ARHGAP26: variants seen among roughly 807,000 people sequenced by gnomAD.
ARHGAP26 encodes the protein Rho GTPase activating protein 26.
In ARHGAP26, 38 loss-of-function variants were observed where a neutral mutation model predicts 104.8. That is an observed-to-expected ratio of 0.36 (90% CI 0.28 to 0.48). The LOEUF is 0.48. Ranked by LOEUF, ARHGAP26 falls within the 20% of genes least tolerant of loss-of-function variation. The pLI is 0.99. For missense variants in ARHGAP26, 704 were observed against 947.9 expected, an observed-to-expected ratio of 0.74 and a Z score of 3.38; for synonymous variants, 341 against 340.0, an observed-to-expected ratio of 1.00 and a Z score of -0.03.
chr5:142,998,481 T>A, intron 11 of ARHGAP26, among the ~76,000 whole-genome samples: 1 of 152,162 alleles, frequency 6.6e-6, no homozygotes, highest in East Asian at 1.9e-4. Flanking sequence ...GTCCACTTGG[T>A]TGCCTTGGCT....
Position 143,014,124 on chromosome 5 carries a change from C to T in ARHGAP26, c.1144+8C>T, listed in dbSNP as rs1339232986. 3.1e-6 allele frequency: 5 copies of T among 1,613,938 alleles called. No individual in the cohort carries two copies. Among genetic ancestry groups the T allele is most frequent in the Admixed American group, 1.7e-5 (1 of 60,006 alleles). On this transcript the variant is annotated splice_region_variant and intron_variant, in intron 12 of 22. Transcript: ENST00000645722. The stretch of plus-strand genomic sequence containing the variant: ...ACAGCCAGAGTGAAGGGAGTAAGTA[C>T]GATGCTTGGGTAACCTTCTACAGCC...
chr5:142,861,423 A>G (rs539277397), intron 1 of ARHGAP26, among the ~76,000 whole-genome samples: 16 of 144,138 alleles, frequency 1.1e-4, no homozygotes, highest in African/African-American at 4.1e-4. Flanking sequence ...TTTGTTTTTT[A>G]ACTGAATTTA....
At chr5:143,142,614 C>T (rs1377758746) in intron 19 of ARHGAP26, among the ~76,000 whole-genome samples, 1 of 152,096 alleles carries the variant, frequency 6.6e-6, no homozygotes, top group Non-Finnish European at 1.5e-5. Context: ...TGAAATGAGA[C>T]CACCTCAGAT....
intron 1 of ARHGAP26, among the ~76,000 whole-genome samples, chr5:142,853,750 G>A (rs530455083): frequency 3.9e-5 from 6 of 152,286 alleles, no homozygotes; most frequent in African/African-American, 1.4e-4. Context: ...CTCAGATGCT[G>A]TAGGTCCTTC....
intron 20 of ARHGAP26, among the ~76,000 whole-genome samples, chr5:143,189,325 C>T (rs1805572904): frequency 6.6e-6 from 1 of 152,162 alleles, no homozygotes; most frequent in Admixed American, 6.5e-5. Context: ...TGCACTTGGG[C>T]TTAAGACAGT....
At chr5:142,986,347 T>C (rs1303276932) in intron 11 of ARHGAP26, among the ~76,000 whole-genome samples, 1 of 152,230 alleles carries the variant, frequency 6.6e-6, no homozygotes, top group Non-Finnish European at 1.5e-5. Flanking sequence ...CACTTTTTGA[T>C]GGGGTTGTTT....
chr5:142,775,926 C>T (rs182771402), intron 1 of ARHGAP26, among the ~76,000 whole-genome samples: 5 of 152,130 alleles, frequency 3.3e-5, no homozygotes, highest in South Asian at 2.1e-4. Context: ...CTTTCCATTT[C>T]GTTTCCCTTC....
At position 142,885,295 on chromosome 5, in the gene ARHGAP26, C is replaced by T. The variant is rs765774564; in HGVS notation, c.385-3C>T. The T allele has an allele frequency of 4.3e-6, 7 of 1,611,532 alleles. No homozygotes were observed. The highest frequency in any genetic ancestry group is 1.7e-4 in the Middle Eastern group (1 of 6,046). On this transcript the variant is annotated splice_polypyrimidine_tract_variant and splice_region_variant and intron_variant, in intron 4 of 22. Coordinates refer to ENST00000645722, the MANE Select transcript of ARHGAP26 (RefSeq NM_001135608.3). ...TTCTTTTTCTCTTCTCTTTTTTTGC[C>T]AGGAAGCCAAAAAGAAGTATGACAA...
chr5:142,913,249 C>G lies in ARHGAP26; in HGVS notation c.984C>G (p.Asp328Glu). The change falls in exon 10 of 23, where the codon GAC becomes GAG. Residue 328 changes from aspartate (D) to glutamate (E), a missense_variant. This residue lies in a region of ARHGAP26 where 287 missense variants were observed against 438.8 expected (regional missense o/e 0.65). Transcript: ENST00000645722. ...ILKSCTRRKT[D>E]SIEKRFCFDV... is the part of the protein sequence containing the mutation. ...AATCCTGCACACGGCGGAAAACAGA[C>G]TCCATTGAGAAGAGGTTTTGCTTTG... 1 of 1,614,196 alleles carries G rather than the reference C, an allele frequency of 6.2e-7. No individual in the cohort carries two copies. Among genetic ancestry groups the G allele is most frequent in the Non-Finnish European group, 8.5e-7 (1 of 1,180,012 alleles).
At chr5:142,886,113 A>T (rs1239647370) in intron 5 of ARHGAP26, among the ~76,000 whole-genome samples, 1 of 152,192 alleles carries the variant, frequency 6.6e-6, no homozygotes, top group African/African-American at 2.4e-5. Context: ...GGAGATAGGG[A>T]GTTTCCTAGT....
chr5:143,053,631 G>A (rs1785348097), intron 14 of ARHGAP26, among the ~76,000 whole-genome samples: 1 of 152,150 alleles, frequency 6.6e-6, no homozygotes, highest in African/African-American at 2.4e-5. Flanking sequence ...AAAATATACT[G>A]ATTTGTTTAA....
chr5:142,831,226 G>A (rs1214289963), intron 1 of ARHGAP26, among the ~76,000 whole-genome samples: 5 of 152,168 alleles, frequency 3.3e-5, no homozygotes, highest in Non-Finnish European at 7.3e-5. Context: ...AATACTCTGT[G>A]CTCAGTCATT....
chr5:143,140,091 T>A (rs1468060357), intron 19 of ARHGAP26, among the ~76,000 whole-genome samples: 2 of 152,214 alleles, frequency 1.3e-5, no homozygotes, highest in East Asian at 3.8e-4. Context: ...AAAATACAGA[T>A]GCTTGGTCTC....
chr5:143,217,844 G>A (rs13164564), intron 22 of ARHGAP26, among the ~76,000 whole-genome samples: 4,056 of 152,302 alleles, frequency 0.027, 165 homozygotes, highest in African/African-American at 0.09. Flanking sequence ...TCACATAGCA[G>A]CAAGAGTCAT....
chr5:143,058,170 T>A (rs1364323735), intron 17 of ARHGAP26: 2 of 428,932 alleles, frequency 4.7e-6, no homozygotes, highest in Admixed American at 7.6e-5. Context: ...GAGCTGACTC[T>A]GTTATTAACC....
chr5:143,012,802 C>T (rs1376094327), intron 11 of ARHGAP26, among the ~76,000 whole-genome samples: 6 of 150,604 alleles, frequency 4.0e-5, no homozygotes, highest in East Asian at 2.0e-4. Context: ...TACAGGCGCC[C>T]GCCACCATGC....
chr5:143,092,226 C>T (rs1051473502), intron 17 of ARHGAP26, among the ~76,000 whole-genome samples: 18 of 146,408 alleles, frequency 1.2e-4, no homozygotes, highest in African/African-American at 3.5e-4. Flanking sequence ...TGCAGTGGCA[C>T]GATCTCGGCT....
intron 9 of ARHGAP26, among the ~76,000 whole-genome samples, chr5:142,910,162 A>G (rs1761643846): frequency 6.6e-6 from 1 of 152,068 alleles, no homozygotes. Context: ...GCAACCTTTT[A>G]TTTATATTAC....
At chr5:142,965,574 C>T (rs1771188091) in intron 11 of ARHGAP26, among the ~76,000 whole-genome samples, 1 of 152,080 alleles carries the variant, frequency 6.6e-6, no homozygotes, top group African/African-American at 2.4e-5. Context: ...CCTGGTTTTT[C>T]CTAGGTTATG....
Sources: allele counts gnomAD v4.1 joint callset (sites outside exome capture counted in the v4.1 genomes callset), GRCh38; gene constraint gnomAD v4.1.1; regional missense constraint gnomAD v4.1.1; transcripts MANE v1.5; gene names NCBI Gene and HGNC (gene_info 2026-07-23, HGNC 2026-07-21).